Variants in PLA2G4C observed in about 807,000 individuals in gnomAD.
PLA2G4C encodes phospholipase A2 group IVC.
PLA2G4C carries 64 observed loss-of-function variants against 73.8 expected under a neutral mutation model. The ratio of observed to expected loss-of-function variants is 0.87; its 90% CI spans 0.71 to 1.07. The LOEUF (loss-of-function observed/expected upper bound fraction) is 1.07, where lower values mean the gene tolerates loss of function less well. Ranked by LOEUF, PLA2G4C falls within the 50% of genes least tolerant of loss-of-function variation. PLA2G4C has a pLI of 0.00. For synonymous variants in PLA2G4C, 254 were observed against 252.1 expected (o/e 1.01, Z -0.07); for missense variants, 622 against 665.4 (o/e 0.93, Z 0.72).
At chr19:48,065,652 A>G (rs1489281525) in intron 13 of PLA2G4C, among the ~76,000 whole-genome samples, 1 of 152,010 alleles carries the variant, frequency 6.6e-6, no homozygotes, top group African/African-American at 2.4e-5. Context: ...TAAAATAAAA[A>G]TATCTGATTG....
chr19:48,057,967 G>A (rs1968020696), intron 14 of PLA2G4C, among the ~76,000 whole-genome samples: 1 of 151,494 alleles, frequency 6.6e-6, no homozygotes, highest in South Asian at 2.1e-4. Flanking sequence ...TAAGTAGCTG[G>A]GACTACAGGC....
chr19:48,062,567 G>A (rs377035662), intron 13 of PLA2G4C, among the ~76,000 whole-genome samples: 2 of 152,122 alleles, frequency 1.3e-5, no homozygotes, highest in Non-Finnish European at 2.9e-5. Flanking sequence ...CTGAGATCGC[G>A]CCACTGCACT....
At chr19:48,065,312 G>A (rs867616451) in intron 13 of PLA2G4C, among the ~76,000 whole-genome samples, 92 of 151,764 alleles carry the variant, frequency 6.1e-4, no homozygotes, top group Middle Eastern at 3.4e-3. Context: ...TAGATTTAAA[G>A]TTTTCTGATT....
chr19:48,098,085 C>T (rs763053274), intron 6 of PLA2G4C, 54 bp downstream of exon 6: 6 of 1,585,716 alleles, frequency 3.8e-6, no homozygotes, highest in Non-Finnish European at 4.3e-6. Flanking sequence ...TTCCATTCCA[C>T]TCCGTGCTGT....
chr19:48,091,883 C>CAAAAAAAAAAAAAAAAA (rs35118449), intron 7 of PLA2G4C, among the ~76,000 whole-genome samples: 1 of 21,104 alleles, frequency 4.7e-5, no homozygotes, highest in Admixed American at 7.6e-4. Flanking sequence ...GACTCCATCT[C>CAAAAAAAAAAAAAAAAA]AAAAAAAAAA....
At position 48,095,536 on chromosome 19, in the gene PLA2G4C, G is replaced by A. The variant is rs148704566; in HGVS notation, c.637C>T (p.His213Tyr). The A allele has an allele frequency of 4.5e-5, 72 of 1,613,852 alleles. No individual in the cohort carries two copies. Among genetic ancestry groups the A allele is most frequent in the Non-Finnish European group, 5.7e-5 (67 of 1,179,872 alleles). ...SALGAFVSIT[H>Y]FGSKFKKGRL... ...CCCTTCTTGAATTTGCTTCCGAAGT[G>A]GGTTATGGAAACAAAGGCCCCCAGT... is the stretch of plus-strand genomic sequence containing the variant. Residue 213 changes from histidine (H) to tyrosine (Y), a missense_variant, in exon 7 of 17, where the codon CAC becomes TAC. By Grantham distance (83) the His-to-Tyr change is moderately conservative. Coordinates refer to ENST00000599921, the MANE Select transcript of PLA2G4C (RefSeq NM_003706.3).
intron 13 of PLA2G4C, among the ~76,000 whole-genome samples, chr19:48,063,091 C>T (rs761259304): frequency 1.4e-4 from 21 of 152,148 alleles, no homozygotes; most frequent in Non-Finnish European, 2.6e-4. Flanking sequence ...GTTGCCCAGG[C>T]GGGAGTGCAG....
chr19:48,100,460 C>T (rs972080925), intron 4 of PLA2G4C, among the ~76,000 whole-genome samples: 3 of 151,908 alleles, frequency 2.0e-5, no homozygotes, highest in Admixed American at 2.0e-4. Context: ...CAAAAATTAG[C>T]CAGGCATGGT....
chr19:48,059,590 G>A (rs931204080), intron 14 of PLA2G4C, among the ~76,000 whole-genome samples: 1 of 152,044 alleles, frequency 6.6e-6, no homozygotes, highest in Non-Finnish European at 1.5e-5. Context: ...GGTGGGAGAA[G>A]CTGGCTTGCT....
chr19:48,053,443 G>T (rs549987465), intron 15 of PLA2G4C, among the ~76,000 whole-genome samples: 1 of 145,852 alleles, frequency 6.9e-6, no homozygotes, highest in African/African-American at 2.6e-5. Flanking sequence ...AATCTTGGGT[G>T]ACTGTAACCT....
intron 6 of PLA2G4C, among the ~76,000 whole-genome samples, chr19:48,097,459 A>G (rs183343957): frequency 0.018 from 2,678 of 151,138 alleles, 43 homozygotes; most frequent in Non-Finnish European, 0.025. Context: ...TCACTGTGTT[A>G]GTCAGGATGG....
chr19:48,088,856 G>A, intron 8 of PLA2G4C, 144 bp from the exon 9 acceptor site: 1 of 691,380 alleles, frequency 1.4e-6, no homozygotes, highest in Non-Finnish European at 2.6e-6. Context: ...TGGCTCTCGA[G>A]AGCCAATTTT....
At chr19:48,052,790 G>A (rs1396794093) in intron 16 of PLA2G4C, among the ~76,000 whole-genome samples, 8 of 152,218 alleles carry the variant, frequency 5.3e-5, no homozygotes, top group Middle Eastern at 3.4e-3. Flanking sequence ...CCTAGCAAAC[G>A]AACACAGCCT....
chr19:48,056,424 T>C (rs976914495), intron 14 of PLA2G4C, among the ~76,000 whole-genome samples: 1 of 152,130 alleles, frequency 6.6e-6, no homozygotes, highest in Non-Finnish European at 1.5e-5. Context: ...AGCAGGTGCC[T>C]GTAATCCCAG....
chr19:48,095,704 G>T, intron 6 of PLA2G4C, 100 bp from the exon 7 acceptor site: 1 of 1,232,942 alleles, frequency 8.1e-7, no homozygotes, highest in Non-Finnish European at 1.2e-6. Context: ...TTACAACCAT[G>T]ACAGGAGAAT....
intron 12 of PLA2G4C, among the ~76,000 whole-genome samples, chr19:48,069,560 T>G (rs1310312829): frequency 6.6e-6 from 1 of 151,604 alleles, no homozygotes; most frequent in Non-Finnish European, 1.5e-5. Context: ...CAGTACCTTA[T>G]GCAGCATCTT....
At chr19:48,098,327 G>A (rs1042639504) in intron 5 of PLA2G4C, 68 bp from the exon 6 acceptor site, 48 of 1,432,376 alleles carry the variant, frequency 3.4e-5, no homozygotes, top group Middle Eastern at 1.8e-4. Flanking sequence ...ACCTCTGCAC[G>A]TAGGCCACAT....
At chr19:48,076,543 G>C (rs972799843) in intron 11 of PLA2G4C, among the ~76,000 whole-genome samples, 1 of 152,120 alleles carries the variant, frequency 6.6e-6, no homozygotes, top group Non-Finnish European at 1.5e-5. Context: ...AGGAGTTCGA[G>C]AGTAGCCTGG....
At chr19:48,055,183 C>T (rs1967890522) in intron 14 of PLA2G4C, 134 bp from the exon 15 acceptor site, 1 of 747,528 alleles carries the variant, frequency 1.3e-6, no homozygotes. Context: ...TCAGCTTGGA[C>T]AGGGACAACA....
Sources: allele counts gnomAD v4.1 joint callset (sites outside exome capture counted in the v4.1 genomes callset), GRCh38; gene constraint gnomAD v4.1.1; transcripts MANE v1.5; gene names NCBI Gene and HGNC (gene_info 2026-07-23, HGNC 2026-07-21).